Variants in PINLYP observed in about 807,000 individuals in gnomAD.
The protein encoded by PINLYP is phospholipase A2 inhibitor and LY6/PLAUR domain containing, also known as phospholipase A2 inhibitor and Ly6/PLAUR domain-containing protein.
A neutral mutation model predicts 15.8 loss-of-function variants in PINLYP; 12 were observed. The observed-to-expected ratio is 0.76, with a 90% CI of 0.49 to 1.23. PINLYP has a LOEUF of 1.23. Ranked by LOEUF, PINLYP falls within the 50% of genes most tolerant of loss-of-function variation. PINLYP has a pLI of 0.00. For synonymous variants in PINLYP, 93 were observed against 97.7 expected, an observed-to-expected ratio of 0.95 and a Z score of 0.28; for missense variants, 278 against 264.2, an observed-to-expected ratio of 1.05 and a Z score of -0.36.
exon 1 of PINLYP, among the ~76,000 whole-genome samples, chr19:43,576,219 A>G (rs1972860893): frequency 6.6e-6 from 1 of 152,144 alleles, no homozygotes; most frequent in Non-Finnish European, 1.5e-5. Context: ...GCGCTGGGCT[A>G]GGACAGCAAA....
At position 43,581,330 on chromosome 19, in the gene PINLYP, C is replaced by A. The variant is rs1972929506; in HGVS notation, c.306C>A (p.Cys102Ter). 2.0e-6 allele frequency: 3 copies of A among 1,536,902 alleles called. No homozygotes were observed. Among genetic ancestry groups the A allele is most frequent in the Non-Finnish European group, 8.7e-7 (1 of 1,146,938 alleles). The change falls in exon 4 of 6, where the codon TGC becomes TGA. Residue 102 changes from cysteine to a stop codon, truncating the protein, a stop_gained. Transcript: ENST00000599207. LOFTEE classifies it high-confidence loss of function. ...ACATGGTAACCAGCTCCTTCTGCTG[C>A]CAGAGCGACGGCTGCAACAGTGCCT... is the stretch of plus-strand genomic sequence containing the variant.
rs780295883 is a variant in PINLYP at position 43,581,848 on chromosome 19, G to A, written c.482-20G>A. On this transcript the variant is annotated intron_variant, in intron 5 of 5. Coordinates refer to ENST00000599207, the Ensembl canonical transcript of PINLYP. ...GAAGGGGCTGAGGTCCCTGATTCCA[G>A]TCTGAAATCTCCCTTTCAGGTATTT... 2 of 1,536,592 alleles carry A rather than the reference G, an allele frequency of 1.3e-6. No homozygotes were observed. Among genetic ancestry groups the A allele is most frequent in the South Asian group, 1.2e-5 (1 of 84,066 alleles).
upstream of PINLYP, chr19:43,575,692 C>G (rs1972853452): frequency 2.5e-6 from 1 of 405,744 alleles, no homozygotes; most frequent in African/African-American, 2.1e-5. Context: ...AGCGTTTCCT[C>G]CAGCCCCGCC....
At position 43,581,320 on chromosome 19, in the gene PINLYP, C is replaced by G; in HGVS notation, c.296C>G (p.Ser99Cys). 3 of 1,536,972 alleles carry G rather than the reference C, an allele frequency of 2.0e-6. No individual in the cohort carries two copies. The East Asian group carries it at 7.3e-5, about 38-fold the overall frequency. ...CCCAAGGACCACATGGTAACCAGCT[C>G]CTTCTGCTGCCAGAGCGACGGCTGC... is the stretch of plus-strand genomic sequence containing the variant. The change falls in exon 4 of 6, where the codon TCC (serine) becomes TGC (cysteine). Residue 99 changes from serine (S) to cysteine (C), a missense_variant. Transcript: ENST00000599207.
At chr19:43,577,347 A>AG (rs1972879291) in intron 2 of PINLYP, 86 bp downstream of exon 2, 354 of 1,314,356 alleles carry the variant, frequency 2.7e-4, no homozygotes, top group Admixed American at 3.1e-4. Flanking sequence ...TAGAGAGAGA[A>AG]AGAGCCTTCA....
intron 3 of PINLYP, chr19:43,578,972 C>T: frequency 2.7e-6 from 1 of 367,164 alleles, no homozygotes; most frequent in Non-Finnish European, 5.2e-6. Context: ...AGTTAATAGA[C>T]TTTCTTAGGC....
Position 43,577,225 on chromosome 19 carries a change from C to T in PINLYP, c.34C>T (p.Leu12=), listed in dbSNP as rs185700362. 5 of 1,536,066 alleles carry T rather than the reference C, an allele frequency of 3.3e-6. No individual in the cohort carries two copies. The African/African-American group carries it at 4.1e-5, about 13-fold the overall frequency. The change falls in exon 2 of 6, where the codon CTG becomes TTG. Residue 12 remains leucine (L), a synonymous_variant. Transcript: ENST00000599207. ...CTCCAGGAGACCAGAGACCTTTCTG[C>T]TGGCCTTTGTGTTGCTCTGCACCCT...
At chr19:43,578,533 G>C (rs759886735) in intron 2 of PINLYP, 57 bp from the exon 3 acceptor site, 1 of 1,312,382 alleles carries the variant, frequency 7.6e-7, no homozygotes, top group Non-Finnish European at 1.0e-6. Context: ...AGTCAAAGTC[G>C]TGGTCCGAAG....
upstream of PINLYP, chr19:43,575,598 C>G (rs529821257): frequency 1.4e-5 from 11 of 769,832 alleles, no homozygotes; most frequent in South Asian, 2.5e-4. Flanking sequence ...TTTCAAACCC[C>G]GGCGCGCCGG....
chr19:43,580,827 C>T (rs1390572519), intron 3 of PINLYP, among the ~76,000 whole-genome samples: 3 of 152,062 alleles, frequency 2.0e-5, no homozygotes, highest in Non-Finnish European at 4.4e-5. Context: ...GCCGGGCTGG[C>T]GCAGTGGCTC....
chr19:43,576,440 T>C (rs1417758358), exon 1 of PINLYP, among the ~76,000 whole-genome samples: 1 of 151,402 alleles, frequency 6.6e-6, no homozygotes, highest in Non-Finnish European at 1.5e-5. Flanking sequence ...GGGTTCTGCG[T>C]CCTAAATATA....
At chr19:43,577,376 C>A in intron 2 of PINLYP, 115 bp downstream of exon 2, 1 of 1,099,198 alleles carries the variant, frequency 9.1e-7, no homozygotes, top group Non-Finnish European at 1.2e-6. Flanking sequence ...TCAAGGTGAA[C>A]GGGGAGGCAT....
Position 43,580,966 on chromosome 19 carries a change from G to T in PINLYP, c.188-246G>T, listed in dbSNP as rs1037727064. ...AAAATACAAAAAAATAGCCGGGCAT[G>T]GTGGCGGTCGCCTGTGATCGCAGCT... On this transcript the variant is annotated intron_variant, in intron 3 of 5. Transcript: ENST00000599207. 25 of 445,326 alleles carry T rather than the reference G, an allele frequency of 5.6e-5. No individual in the cohort carries two copies. In the East Asian group the frequency reaches 9.5e-4, roughly 17 times the overall value. The allele number at this position is 445,326 out of a possible 1,614,324, so 27.6% of individuals were successfully genotyped here. A position where few individuals can be genotyped will look rare whatever the true frequency, so the allele number is the denominator to read the frequency against.
chr19:43,577,337 T>G (rs1026556074), intron 2 of PINLYP, 76 bp downstream of exon 2: 185 of 1,374,538 alleles, frequency 1.3e-4, no homozygotes, highest in African/African-American at 2.2e-4. Flanking sequence ...GAGAGAGATA[T>G]AGAGAGAGAA....
chr19:43,578,856 A>T (rs1345400754), intron 3 of PINLYP, 150 bp downstream of exon 3: 1 of 627,166 alleles, frequency 1.6e-6, no homozygotes, highest in Admixed American at 2.4e-5. Context: ...AAAGACCATC[A>T]TGAGATGGAG....
chr19:43,582,092 A>G, exon 6 of PINLYP: 1 of 1,420,872 alleles, frequency 7.0e-7, no homozygotes, highest in South Asian at 1.3e-5. Flanking sequence ...AGAAGTTAAT[A>G]GAGCAAGCCT....
In PINLYP at chr19:43,580,147, T is replaced by C. The variant is rs369275693; in HGVS notation, c.188-1065T>C. On this transcript the variant is annotated intron_variant, in intron 3 of 5. Coordinates refer to ENST00000599207, the Ensembl canonical transcript of PINLYP. The stretch of plus-strand genomic sequence containing the variant: ...GAGAGGCTGTGAAAGGAAAGTGAGA[T>C]CGAAAATCACCCAGCCAGCGTTGGT... Among the ~76,000 whole-genome samples, 10 of 151,190 alleles carry C rather than the reference T, an allele frequency of 6.6e-5. No homozygotes were observed. The East Asian group carries it at 7.8e-4, about 12-fold the overall frequency.
At chr19:43,581,292 G>A in exon 4 of PINLYP, 1 of 1,537,024 alleles carries the variant, frequency 6.5e-7, no homozygotes, top group Non-Finnish European at 8.7e-7. Flanking sequence ...CACCACCATG[G>A]GCCCCAAGGA....
chr19:43,579,461 G>C (rs1177661844), intron 3 of PINLYP, among the ~76,000 whole-genome samples: 1 of 151,314 alleles, frequency 6.6e-6, no homozygotes, highest in Non-Finnish European at 1.5e-5. Context: ...TGGCCAGGCT[G>C]GTCTCTAACT....
Sources: allele counts gnomAD v4.1 joint callset (sites outside exome capture counted in the v4.1 genomes callset), GRCh38; gene constraint gnomAD v4.1.1; transcripts MANE v1.5; gene names NCBI Gene and HGNC (gene_info 2026-07-23, HGNC 2026-07-21).